UBE2D3: variants seen among roughly 807,000 people sequenced by gnomAD.
UBE2D3 encodes the protein ubiquitin-conjugating enzyme E2 D3.
In UBE2D3, 2 loss-of-function variants were observed where a neutral mutation model predicts 22.8. The ratio of observed to expected loss-of-function variants is 0.09; its 90% CI spans 0.04 to 0.28. The LOEUF is 0.28. Ranked by LOEUF, UBE2D3 falls within the 10% of genes least tolerant of loss-of-function variation. The pLI is 1.00. For missense variants in UBE2D3, 27 were observed against 182.5 expected (o/e 0.15, Z 4.91); for synonymous variants, 56 against 60.4 (o/e 0.93, Z 0.34).
chr4:102,800,514 CAGT>C (rs935365989), intron 6 of UBE2D3, among the ~76,000 whole-genome samples: 38 of 152,054 alleles, frequency 2.5e-4, no homozygotes, highest in African/African-American at 8.2e-4. Context: ...ACACTCCCAG[CAGT>C]AGTAGAAAAA....
chr4:102,818,044 G>A (rs1182608664), intron 2 of UBE2D3, among the ~76,000 whole-genome samples: 1 of 152,116 alleles, frequency 6.6e-6, no homozygotes, highest in Non-Finnish European at 1.5e-5. Context: ...GCTCTCACAC[G>A]GCACCTGTAA....
intron 2 of UBE2D3, among the ~76,000 whole-genome samples, chr4:102,813,838 C>G (rs982594559): frequency 1.1e-4 from 17 of 152,074 alleles, no homozygotes; most frequent in African/African-American, 4.1e-4. Flanking sequence ...CTCTTATATT[C>G]AAAATACACT....
At chr4:102,801,150 G>T (rs559290711) in intron 6 of UBE2D3, among the ~76,000 whole-genome samples, 2 of 152,034 alleles carry the variant, frequency 1.3e-5, no homozygotes, top group South Asian at 4.1e-4. Context: ...GTTAGTGTGA[G>T]ATGTCCAAGT....
At chr4:102,841,693 A>G (rs901973609) in intron 1 of UBE2D3, among the ~76,000 whole-genome samples, 2 of 152,222 alleles carry the variant, frequency 1.3e-5, no homozygotes, top group South Asian at 4.1e-4. Flanking sequence ...CTACAAGGTC[A>G]CTACAAGGTG....
chr4:102,833,436 G>C (rs1731221148), intron 1 of UBE2D3, among the ~76,000 whole-genome samples: 1 of 152,124 alleles, frequency 6.6e-6, no homozygotes, highest in Non-Finnish European at 1.5e-5. Flanking sequence ...ATAAAACAGA[G>C]GTTCTAAAAT....
At chr4:102,844,899 G>C (rs1360140245) in intron 1 of UBE2D3, among the ~76,000 whole-genome samples, 1 of 151,992 alleles carries the variant, frequency 6.6e-6, no homozygotes, top group East Asian at 1.9e-4. Context: ...GTGGGCGCCT[G>C]TAGTCCCAGC....
At chr4:102,851,965 C>T (rs1232544638) in intron 1 of UBE2D3, among the ~76,000 whole-genome samples, 4 of 152,092 alleles carry the variant, frequency 2.6e-5, no homozygotes, top group South Asian at 2.1e-4. Context: ...CCACCGTGCC[C>T]GGCAGAACCC....
At chr4:102,868,696 G>A (rs778693697) in intron 1 of UBE2D3, 60 of 1,613,922 alleles carry the variant, frequency 3.7e-5, no homozygotes, top group South Asian at 5.5e-5. Flanking sequence ...GGACGAAGTA[G>A]AGACAGCAAG....
chr4:102,863,262 T>C (rs552361639), intron 1 of UBE2D3, among the ~76,000 whole-genome samples: 2 of 151,484 alleles, frequency 1.3e-5, no homozygotes, highest in Non-Finnish European at 3.0e-5. Flanking sequence ...TGTTGGCCAG[T>C]CTGGTCTCGA....
chr4:102,809,502 A>C, intron 4 of UBE2D3, 170 bp downstream of exon 4: 1 of 718,260 alleles, frequency 1.4e-6, no homozygotes, highest in Non-Finnish European at 2.3e-6. Flanking sequence ...AGTACACGTA[A>C]CAAATGACTA....
chr4:102,828,310 T>G (rs1013072330), upstream of UBE2D3: 6 of 975,084 alleles, frequency 6.2e-6, no homozygotes, highest in East Asian at 5.7e-4. Flanking sequence ...AGGTTTCCGG[T>G]GGAGCAGGTG....
chr4:102,828,050 C>T (rs1229813279), upstream of UBE2D3: 24 of 985,346 alleles, frequency 2.4e-5, no homozygotes, highest in Non-Finnish European at 2.7e-5. Context: ...TGACGGGGTT[C>T]CGCCTCCAAA....
chr4:102,828,074 C>G (rs1730865796), upstream of UBE2D3: 4 of 985,408 alleles, frequency 4.1e-6, no homozygotes, highest in African/African-American at 1.7e-5. Flanking sequence ...CATAAGTTCT[C>G]GCGAGACGCA....
rs548442116 is a variant in UBE2D3 at position 102,863,171 on chromosome 4, C to T, written c.-129+5544G>A. Among the ~76,000 whole-genome samples, 11 of 152,200 alleles carry T rather than the reference C, an allele frequency of 7.2e-5. 1 individual carries two copies. The South Asian group carries it at 1.2e-3, about 17-fold the overall frequency. The stretch of plus-strand genomic sequence containing the variant: ...GATCAAGCGATTCTCCTGCCTCAGC[C>T]TCCCAAGTAGCTGGGATTACAGGTG... On this transcript the variant is annotated intron_variant, in intron 1 of 7. Coordinates refer to the UBE2D3 transcript ENST00000338145.
At chr4:102,823,031 G>A (rs1471969517) in intron 2 of UBE2D3, among the ~76,000 whole-genome samples, 1 of 152,202 alleles carries the variant, frequency 6.6e-6, no homozygotes, top group African/African-American at 2.4e-5. Context: ...CTAGTTGTGT[G>A]ACTAGACGAC....
intron 4 of UBE2D3, 60 bp from the exon 5 acceptor site, chr4:102,802,698 A>G (rs529775933): frequency 2.2e-6 from 3 of 1,354,674 alleles, no homozygotes; most frequent in Non-Finnish European, 3.1e-6. Context: ...ATATTCCGTA[A>G]CATTTGTTTC....
At chr4:102,850,838 A>G (rs1232735922) in intron 1 of UBE2D3, among the ~76,000 whole-genome samples, 3 of 152,100 alleles carry the variant, frequency 2.0e-5, no homozygotes, top group Non-Finnish European at 4.4e-5. Flanking sequence ...GGAATGGAAA[A>G]CCAAACATCA....
chr4:102,823,111 AAAT>A, intron 2 of UBE2D3, among the ~76,000 whole-genome samples: 1 of 152,352 alleles, frequency 6.6e-6, no homozygotes, highest in African/African-American at 2.4e-5. Context: ...CTTGAGGATT[AAAT>A]GAGTTAGGGT....
At chr4:102,818,908 ATTCTC>A (rs1377679834) in intron 2 of UBE2D3, among the ~76,000 whole-genome samples, 2 of 152,152 alleles carry the variant, frequency 1.3e-5, no homozygotes, top group East Asian at 3.8e-4. Flanking sequence ...CTGCTTCTCT[ATTCTC>A]TATCTTCCTC....
Sources: gnomAD v4.1 joint callset for allele counts (sites outside exome capture counted in the v4.1 genomes callset) on GRCh38, gnomAD v4.1.1 for gene constraint, MANE v1.5 for transcripts, NCBI Gene and HGNC (gene_info 2026-07-23, HGNC 2026-07-21) for gene names.